Variants in LRP1B observed in about 807,000 individuals in gnomAD.
LRP1B encodes LDL receptor related protein 1B.
Under a neutral mutation model 556.6 loss-of-function variants are expected in LRP1B, and 217 were observed. The ratio of observed to expected loss-of-function variants is 0.39; its 90% CI spans 0.35 to 0.44. LRP1B has a LOEUF of 0.44. LRP1B is among the 20% of genes least tolerant of loss of function. LRP1B has a pLI of 1.00. For missense variants in LRP1B, 5,053 were observed against 5,620.8 expected (o/e 0.90, Z 3.23); for synonymous variants, 2,047 against 1,865.8 (o/e 1.10, Z -2.50).
At chr2:141,475,223 A>C (rs960796999) in intron 3 of LRP1B, among the ~76,000 whole-genome samples, 1 of 152,056 alleles carries the variant, frequency 6.6e-6, no homozygotes, top group Non-Finnish European at 1.5e-5. Context: ...AAATACAAAA[A>C]TTAGCTGTTG....
chr2:140,592,862 C>T (rs1331930254), intron 43 of LRP1B, among the ~76,000 whole-genome samples: 1 of 151,696 alleles, frequency 6.6e-6, no homozygotes, highest in Non-Finnish European at 1.5e-5. Flanking sequence ...ATCATTTGAG[C>T]CCAGGGTTAG....
chr2:141,894,632 TATTTAGATCTAGATCTAG>T (rs1198091819), intron 1 of LRP1B, among the ~76,000 whole-genome samples: 1 of 132,860 alleles, frequency 7.5e-6, no homozygotes, highest in Admixed American at 7.6e-5. Flanking sequence ...CTAAATAGAA[TATTTAGATCTAGATCTAG>T]ATCTAGATCT....
At chr2:142,115,651 A>T (rs533176735) in intron 1 of LRP1B, among the ~76,000 whole-genome samples, 2 of 9,044 alleles carry the variant, frequency 2.2e-4, no homozygotes, top group Non-Finnish European at 4.8e-4. Flanking sequence ...TAATATATAT[A>T]TTATATGTAA....
At chr2:141,181,406 A>G (rs552051640) in intron 7 of LRP1B, among the ~76,000 whole-genome samples, 19 of 152,096 alleles carry the variant, frequency 1.2e-4, no homozygotes, top group African/African-American at 4.3e-4. Context: ...TTGAGTGGAC[A>G]GCATTAACTA....
intron 50 of LRP1B, among the ~76,000 whole-genome samples, chr2:140,515,561 G>A (rs1689859628): frequency 1.3e-5 from 2 of 151,892 alleles, no homozygotes; most frequent in African/African-American, 2.4e-5. Context: ...TGTAAAAATA[G>A]CAATTCTGCT....
intron 43 of LRP1B, among the ~76,000 whole-genome samples, chr2:140,583,835 A>T (rs942375775): frequency 1.3e-5 from 2 of 152,076 alleles, no homozygotes; most frequent in African/African-American, 4.8e-5. Flanking sequence ...TTTAAATCAA[A>T]GGACTATAAA....
chr2:140,726,063 G>A (rs1229206881), intron 35 of LRP1B, among the ~76,000 whole-genome samples: 1 of 152,108 alleles, frequency 6.6e-6, no homozygotes, highest in Admixed American at 6.6e-5. Flanking sequence ...GAATTTACTA[G>A]TTAACTCATT....
Position 140,239,424 on chromosome 2 carries a change from T to C in LRP1B, c.13415+18A>G, listed in dbSNP as rs369982620. The C allele has an allele frequency of 2.0e-6, 3 of 1,511,024 alleles. No homozygotes were observed. Among genetic ancestry groups the C allele is most frequent in the Non-Finnish European group, 9.1e-7 (1 of 1,097,678 alleles). 93.6% of individuals were successfully genotyped at this position (1,511,024 alleles called of 1,614,324 possible). On this transcript the variant is annotated intron_variant, in intron 88 of 90. Transcript: ENST00000389484. ...GTGATTTATTCACTGACTGCTAATC[T>C]AGAACATTGCATCTTACCTTCTTTT...
chr2:140,879,470 T>A (rs967990144), intron 25 of LRP1B, among the ~76,000 whole-genome samples: 2 of 152,130 alleles, frequency 1.3e-5, no homozygotes, highest in African/African-American at 4.8e-5. Context: ...AAGTGAGAAA[T>A]TCCAACACTT....
chr2:141,254,470 G>C (rs1684385812), intron 4 of LRP1B, 52 bp downstream of exon 4: 3 of 1,586,994 alleles, frequency 1.9e-6, no homozygotes, highest in East Asian at 2.3e-5. Flanking sequence ...TTACATTTCT[G>C]TTAACTAAGC....
chr2:140,889,511 G>A (rs1693736828), intron 23 of LRP1B, among the ~76,000 whole-genome samples: 1 of 152,140 alleles, frequency 6.6e-6, no homozygotes, highest in Non-Finnish European at 1.5e-5. Context: ...GGCCAGGATG[G>A]TCTTGAACTC....
At chr2:140,392,675 A>G (rs975830966) in intron 66 of LRP1B, among the ~76,000 whole-genome samples, 1 of 152,068 alleles carries the variant, frequency 6.6e-6, no homozygotes, top group African/African-American at 2.4e-5. Context: ...TTTAGTAGAG[A>G]CCAGTGCTTT....
chr2:140,827,703 CAAAG>C lies in LRP1B; in HGVS notation c.5209+12284_5209+12287del, dbSNP rs754202881. ...AGAGCAAGGGGGTAGAAAACTTACT[CAAAG>C]AAATAATAACAGAAAACATACCAAA... On this transcript the variant is annotated intron_variant, in intron 31 of 90. Coordinates refer to ENST00000389484, the MANE Select transcript of LRP1B (RefSeq NM_018557.3). 1.7e-4 allele frequency among the ~76,000 whole-genome samples: 26 copies of C among 152,004 alleles called. No homozygotes were observed. In the East Asian group the frequency reaches 3.3e-3, roughly 19 times the overall value.
chr2:140,651,546 A>C lies in LRP1B; in HGVS notation c.6799+48704T>G, dbSNP rs1051253183. On this transcript the variant is annotated intron_variant, in intron 41 of 90. Transcript: ENST00000389484. ...AAAATTAAAAAAAAAAAAAAAAAAAAGAATGGGCAGAAGTTCATCTTATGT... is the reference window on the plus strand; with the variant it reads ...AAAATTAAAAAAAAAAAAAAAAAAACGAATGGGCAGAAGTTCATCTTATGT... Among the ~76,000 whole-genome samples the C allele has an allele frequency of 3.4e-4, 44 of 130,344 alleles. 1 individual carries two copies. The South Asian group carries it at 3.8e-3, about 11-fold the overall frequency. 85.5% of individuals were successfully genotyped at this position (130,344 alleles called of 152,430 possible).
At position 141,183,115 on chromosome 2, in the gene LRP1B, G is replaced by T. The variant is rs190959800; in HGVS notation, c.1013+5306C>A. ...GGGGAGCAATCTCTGTATTTAATTTGTCCAAACATAGTCTGAGGCATTTAA... is the reference window on the plus strand; with the variant it reads ...GGGGAGCAATCTCTGTATTTAATTTTTCCAAACATAGTCTGAGGCATTTAA... On this transcript the variant is annotated intron_variant, in intron 7 of 90. Coordinates refer to ENST00000389484, the MANE Select transcript of LRP1B (RefSeq NM_018557.3). 2.2e-4 allele frequency among the ~76,000 whole-genome samples: 33 copies of T among 152,036 alleles called. No homozygotes were observed. The East Asian group carries it at 6.4e-3, about 30-fold the overall frequency.
chr2:142,002,218 T>C (rs1192498547), intron 1 of LRP1B, among the ~76,000 whole-genome samples: 2 of 152,218 alleles, frequency 1.3e-5, no homozygotes, highest in Non-Finnish European at 2.9e-5. Context: ...AGTATTGATC[T>C]ATTAAACTAT....
intron 20 of LRP1B, among the ~76,000 whole-genome samples, chr2:140,926,056 C>CTTTTTTT (rs70991119): frequency 4.7e-5 from 4 of 86,014 alleles, no homozygotes; most frequent in Non-Finnish European, 8.7e-5. Flanking sequence ...TGGAGATTTT[C>CTTTTTTT]TTTTTTTTTT....
intron 1 of LRP1B, among the ~76,000 whole-genome samples, chr2:141,883,537 T>C (rs534702184): frequency 1.3e-5 from 2 of 152,228 alleles, no homozygotes; most frequent in South Asian, 4.1e-4. Context: ...TGAGCCAACG[T>C]AGCAAGACCC....
chr2:140,778,534 A>G (rs1689579122), intron 32 of LRP1B, among the ~76,000 whole-genome samples: 1 of 152,164 alleles, frequency 6.6e-6, no homozygotes, highest in Non-Finnish European at 1.5e-5. Context: ...CACTGGGAAG[A>G]TATACATAAC....
Sources: allele counts gnomAD v4.1 joint callset (sites outside exome capture counted in the v4.1 genomes callset), GRCh38; gene constraint gnomAD v4.1.1; transcripts MANE v1.5; gene names NCBI Gene and HGNC (gene_info 2026-07-23, HGNC 2026-07-21).